Variants in SSBP3 observed in about 807,000 individuals in gnomAD.
The protein encoded by SSBP3 is single stranded DNA binding protein 3, also known as single-stranded DNA-binding protein 3.
Under a neutral mutation model 69.6 loss-of-function variants are expected in SSBP3, and 5 were observed. That is an observed-to-expected ratio of 0.07 (90% CI 0.04 to 0.15). The LOEUF is 0.15. SSBP3 is among the 10% of genes least tolerant of loss of function. The probability of loss-of-function intolerance (pLI) is 1.00; values close to 1 mark genes in which losing one functional copy is unlikely to be tolerated. For missense variants in SSBP3, 312 were observed against 534.0 expected (o/e 0.58, Z 4.10); for synonymous variants, 196 against 193.4 (o/e 1.01, Z -0.11).
chr1:54,268,410 C>T (rs1037789595), intron 5 of SSBP3, among the ~76,000 whole-genome samples: 15 of 152,272 alleles, frequency 9.9e-5, no homozygotes, highest in Admixed American at 9.8e-4. Context: ...CCAGAGAATT[C>T]CTGCTCCACT....
intron 5 of SSBP3, among the ~76,000 whole-genome samples, chr1:54,266,993 T>A (rs1281329273): frequency 1.3e-5 from 2 of 152,200 alleles, no homozygotes; most frequent in African/African-American, 2.4e-5. Flanking sequence ...AAGAAGCCCT[T>A]CCCCTTGTTT....
rs772557674 is a variant in SSBP3, at chr1:54,405,944, A to G, written c.56+9T>C. On this transcript the variant is annotated intron_variant, in intron 1 of 17. Transcript: ENST00000610401. ...GCGGCGCGGCCGCCACTTGCAAAATAGGGCTTACTTTTCCCGAGCCTGCCC... is the reference window on the plus strand; with the variant it reads ...GCGGCGCGGCCGCCACTTGCAAAATGGGGCTTACTTTTCCCGAGCCTGCCC... 1 of 1,362,826 alleles carries G rather than the reference A, an allele frequency of 7.3e-7. No homozygotes were observed. The highest frequency in any genetic ancestry group is 1.4e-5 in the South Asian group (1 of 70,244). The allele number at this position is 1,362,826 out of a possible 1,614,324, so 84.4% of individuals were successfully genotyped here. A position where few individuals can be genotyped will look rare whatever the true frequency, so the allele number is the denominator to read the frequency against.
intron 2 of SSBP3, 50 bp downstream of exon 2, chr1:54,404,808 T>TA (rs760237753): frequency 1.7e-6 from 1 of 581,124 alleles, no homozygotes; most frequent in Non-Finnish European, 2.8e-6. Flanking sequence ...CTAAGAATAG[T>TA]GGGGGGGGGG....
At chr1:54,277,155 G>A (rs1408671175) in intron 5 of SSBP3, among the ~76,000 whole-genome samples, 2 of 151,874 alleles carry the variant, frequency 1.3e-5, no homozygotes, top group Non-Finnish European at 2.9e-5. Context: ...TGAGAAGCTT[G>A]GACTACATCA....
intron 4 of SSBP3, among the ~76,000 whole-genome samples, chr1:54,290,872 T>C (rs1645593109): frequency 6.6e-6 from 1 of 152,210 alleles, no homozygotes; most frequent in Non-Finnish European, 1.5e-5. Flanking sequence ...ACAACGTTGA[T>C]TTTCTTCTTA....
intron 17 of SSBP3, 54 bp downstream of exon 17, chr1:54,228,201 G>A: frequency 6.5e-7 from 1 of 1,537,566 alleles, no homozygotes; most frequent in South Asian, 1.1e-5. Flanking sequence ...AACTTGTTAG[G>A]AAAGAGTCCC....
At chr1:54,310,377 T>C (rs968052124) in intron 4 of SSBP3, among the ~76,000 whole-genome samples, 19 of 152,078 alleles carry the variant, frequency 1.2e-4, no homozygotes, top group African/African-American at 4.6e-4. Flanking sequence ...TCTAAAGGCA[T>C]TGAGAGCATG....
chr1:54,331,317 T>C (rs958479519), intron 4 of SSBP3, among the ~76,000 whole-genome samples: 1 of 152,116 alleles, frequency 6.6e-6, no homozygotes, highest in African/African-American at 2.4e-5. Flanking sequence ...CGGATATCCT[T>C]GGTTAAGGAA....
chr1:54,330,124 G>A (rs1646381660), intron 4 of SSBP3, among the ~76,000 whole-genome samples: 1 of 152,108 alleles, frequency 6.6e-6, no homozygotes, highest in Admixed American at 6.5e-5. Context: ...GGACCTGCAT[G>A]GATCCCCCGC....
chr1:54,410,518 T>C (rs1484886162), upstream of SSBP3, among the ~76,000 whole-genome samples: 1 of 152,188 alleles, frequency 6.6e-6, no homozygotes, highest in Non-Finnish European at 1.5e-5. Context: ...AAGCTGAGTA[T>C]GCAGCCCACT....
intron 4 of SSBP3, among the ~76,000 whole-genome samples, chr1:54,300,274 T>C (rs1557510219): frequency 6.6e-6 from 1 of 151,944 alleles, no homozygotes; most frequent in Non-Finnish European, 1.5e-5. Flanking sequence ...AAGAGGGCCC[T>C]TAGGGAGTTC....
At chr1:54,329,138 G>C (rs1290289942) in intron 4 of SSBP3, among the ~76,000 whole-genome samples, 2 of 152,188 alleles carry the variant, frequency 1.3e-5, no homozygotes, top group Non-Finnish European at 2.9e-5. Context: ...AAGGGGGTTT[G>C]AGTCTATTCC....
intron 4 of SSBP3, among the ~76,000 whole-genome samples, chr1:54,284,579 T>A (rs1645453658): frequency 6.6e-6 from 1 of 152,096 alleles, no homozygotes; most frequent in South Asian, 2.1e-4. Context: ...GGGATCCTCC[T>A]GCCTCAGCTT....
At chr1:54,249,901 G>C (rs1446721684) in intron 9 of SSBP3, among the ~76,000 whole-genome samples, 4 of 152,112 alleles carry the variant, frequency 2.6e-5, no homozygotes, top group Non-Finnish European at 5.9e-5. Context: ...GGATCCATGG[G>C]CTGGGCGGTG....
intron 14 of SSBP3, among the ~76,000 whole-genome samples, chr1:54,229,450 AAG>A (rs1430643053): frequency 1.3e-5 from 2 of 151,868 alleles, no homozygotes; most frequent in Non-Finnish European, 1.5e-5. Context: ...AGTGGTGGGG[AAG>A]AGAGAGCTAG....
chr1:54,290,683 C>T (rs1645588593), intron 4 of SSBP3, among the ~76,000 whole-genome samples: 1 of 152,160 alleles, frequency 6.6e-6, no homozygotes, highest in South Asian at 2.1e-4. Context: ...ATAATTAGTA[C>T]CTGGTGAGGG....
At chr1:54,375,660 C>A (rs765711562) in intron 4 of SSBP3, among the ~76,000 whole-genome samples, 4 of 152,188 alleles carry the variant, frequency 2.6e-5, no homozygotes, top group Non-Finnish European at 5.9e-5. Context: ...AGCCTCCAGT[C>A]GCCTGGTGGA....
At chr1:54,263,164 G>A (rs1191036148) in intron 5 of SSBP3, among the ~76,000 whole-genome samples, 3 of 152,202 alleles carry the variant, frequency 2.0e-5, no homozygotes, top group African/African-American at 7.2e-5. Context: ...CTGATGGTTA[G>A]TGAAAAAGCC....
intron 4 of SSBP3, among the ~76,000 whole-genome samples, chr1:54,316,258 G>C (rs1646095234): frequency 6.6e-6 from 1 of 152,084 alleles, no homozygotes; most frequent in Non-Finnish European, 1.5e-5. Context: ...GAGGAGGATG[G>C]TATGAACTCG....
Sources: gnomAD v4.1 joint callset for allele counts (sites outside exome capture counted in the v4.1 genomes callset) on GRCh38, gnomAD v4.1.1 for gene constraint, MANE v1.5 for transcripts, NCBI Gene and HGNC (gene_info 2026-07-23, HGNC 2026-07-21) for gene names.